Variants in ZFP82 observed in about 807,000 individuals in gnomAD.
The protein encoded by ZFP82 is ZFP82 zinc finger protein.
A neutral mutation model predicts 54.0 loss-of-function variants in ZFP82; 30 were observed. The observed-to-expected ratio is 0.56, with a 90% CI of 0.42 to 0.75. The LOEUF (loss-of-function observed/expected upper bound fraction) is 0.75. ZFP82 is among the 30% of genes least tolerant of loss of function. The pLI, the probability that ZFP82 is intolerant of heterozygous loss-of-function variation, is 0.00. For synonymous variants in ZFP82, 194 were observed against 209.5 expected, an observed-to-expected ratio of 0.93 and a Z score of 0.64; for missense variants, 500 against 636.8, an observed-to-expected ratio of 0.79 and a Z score of 2.31.
chr19:36,405,517 C>G (rs2032465432), intron 4 of ZFP82, 63 bp downstream of exon 4: 1 of 1,257,460 alleles, frequency 8.0e-7, no homozygotes, highest in Non-Finnish European at 1.1e-6. Flanking sequence ...AAGGATGTGT[C>G]TCTTCCCCAG....
Position 36,392,311 on chromosome 19 carries a change from CCAGCACAG to C in ZFP82, c.*422_*429del, listed in dbSNP as rs2032212730. 6.4e-6 allele frequency: 1 copy of C among 157,266 alleles called. No individual in the cohort carries two copies. The highest frequency in any genetic ancestry group is 2.4e-5 in the African/African-American group (1 of 41,510). The allele number at this position is 157,266 out of a possible 1,614,324, so 9.7% of individuals were successfully genotyped here. A position where few individuals can be genotyped will look rare whatever the true frequency, so the allele number is the denominator to read the frequency against. On this transcript the variant is annotated 3_prime_UTR_variant, in exon 5 of 5. Transcript: ENST00000392161. ...TACCAGTAAAGTCTGAGTCAAGAAA[CCAGCACAG>C]CAGTACGTCTACCATATTCTACTGG...
chr19:36,394,151 T>C (rs1431196455), intron 4 of ZFP82, 41 bp from the exon 5 acceptor site: 1 of 1,530,566 alleles, frequency 6.5e-7, no homozygotes, highest in East Asian at 2.3e-5. Flanking sequence ...TGTTTTCTTT[T>C]ACTAAAAGAA....
chr19:36,412,846 T>C (rs1036138765), intron 1 of ZFP82, among the ~76,000 whole-genome samples: 2 of 152,232 alleles, frequency 1.3e-5, no homozygotes, highest in Non-Finnish European at 2.9e-5. Flanking sequence ...TCTCAAGCCA[T>C]GCCACCTGAA....
intron 4 of ZFP82, among the ~76,000 whole-genome samples, 175 bp downstream of exon 4, chr19:36,405,405 G>A (rs559208769): frequency 1.3e-5 from 2 of 152,228 alleles, no homozygotes; most frequent in African/African-American, 4.8e-5. Context: ...TGCTCCCCAT[G>A]TCACAGACCT....
chr19:36,392,968 C>A lies in ZFP82; in HGVS notation c.1372G>T (p.Ala458Ser), dbSNP rs771723650. Residue 458 changes from alanine (A) to serine (S), a missense_variant, in exon 5 of 5, where the codon GCC (alanine) becomes TCC (serine). Transcript: ENST00000392161. ...KPYKCKECGK[A>S]FRLRQKLTLH... ...GTAAGTTTTTGGCGCAATCTAAAGG[C>A]CTTGCCACATTCCTTACATTTATAA... 1.2e-6 allele frequency: 2 copies of A among 1,614,072 alleles called. No individual in the cohort carries two copies. Among genetic ancestry groups the A allele is most frequent in the East Asian group, 4.5e-5 (2 of 44,876 alleles).
At chr19:36,402,935 G>A (rs942207324) in intron 4 of ZFP82, among the ~76,000 whole-genome samples, 4 of 151,334 alleles carry the variant, frequency 2.6e-5, no homozygotes, top group Non-Finnish European at 2.9e-5. Context: ...TCAGGAGATT[G>A]AGACCATCCT....
At chr19:36,394,224 A>G in intron 4 of ZFP82, 114 bp from the exon 5 acceptor site, 1 of 981,574 alleles carries the variant, frequency 1.0e-6, no homozygotes, top group African/African-American at 1.6e-5. Flanking sequence ...ACTCTAAAAT[A>G]TTGTTATACA....
At chr19:36,395,201 A>C (rs1163396261) in intron 4 of ZFP82, 1 of 152,118 alleles carries the variant, frequency 6.6e-6, no homozygotes, top group Non-Finnish European at 1.5e-5. Context: ...GCTATGGGTA[A>C]CTTTTTCTTT....
chr19:36,408,132 G>T, intron 2 of ZFP82, 119 bp from the exon 3 acceptor site: 1 of 1,154,680 alleles, frequency 8.7e-7, no homozygotes, highest in Non-Finnish European at 1.2e-6. Context: ...AACAGGCTTG[G>T]GCTGGAAGCC....
Position 36,390,144 on chromosome 19 carries a change from C to T in ZFP82, c.*2597G>A, listed in dbSNP as rs778012881. The stretch of plus-strand genomic sequence containing the variant: ...GACCCTGCATGCCATGCCATGCCTC[C>T]CGTTTGTGGGATCTGCGTATAAACT... On this transcript the variant is annotated 3_prime_UTR_variant, in exon 5 of 5. Transcript: ENST00000392161. Among the ~76,000 whole-genome samples the T allele has an allele frequency of 3.3e-5, 5 of 152,066 alleles. No individual in the cohort carries two copies. The highest frequency in any genetic ancestry group is 9.7e-5 in the African/African-American group (4 of 41,402).
intron 3 of ZFP82, among the ~76,000 whole-genome samples, chr19:36,406,789 T>C (rs2385802): frequency 0.2 from 31,092 of 152,098 alleles, 3,253 homozygotes; most frequent in Admixed American, 0.22. Flanking sequence ...TTCTAGTTTT[T>C]CCAAATACTC....
chr19:36,413,232 G>GA (rs2032609639), intron 1 of ZFP82, among the ~76,000 whole-genome samples: 1 of 152,056 alleles, frequency 6.6e-6, no homozygotes, highest in African/African-American at 2.4e-5. Context: ...CCAACATGAC[G>GA]AAACTCCATC....
At chr19:36,415,100 C>A (rs1168537715) in intron 1 of ZFP82, among the ~76,000 whole-genome samples, 1 of 152,168 alleles carries the variant, frequency 6.6e-6, no homozygotes, top group Non-Finnish European at 1.5e-5. Context: ...GAATTACAGG[C>A]GTGAGCCACC....
In ZFP82 at chr19:36,390,667, G is replaced by A. The variant is rs1289429946; in HGVS notation, c.*2074C>T. 1.3e-5 allele frequency: 2 copies of A among 152,026 alleles called. No homozygotes were observed. Among genetic ancestry groups the A allele is most frequent in the Non-Finnish European group, 2.9e-5 (2 of 67,998 alleles). The allele number at this position is 152,026 out of a possible 1,614,324, so 9.4% of individuals were successfully genotyped here. A position where few individuals can be genotyped will look rare whatever the true frequency, so the allele number is the denominator to read the frequency against. On this transcript the variant is annotated 3_prime_UTR_variant, in exon 5 of 5. Transcript: ENST00000392161. ...GCTTCCTATCCATTTTTCACCTAATGGTCTTCGCATCCATTGCTATCACCA... is the reference window on the plus strand; with the variant it reads ...GCTTCCTATCCATTTTTCACCTAATAGTCTTCGCATCCATTGCTATCACCA...
chr19:36,403,638 A>AC (rs1386110489), intron 4 of ZFP82, among the ~76,000 whole-genome samples: 1 of 151,384 alleles, frequency 6.6e-6, no homozygotes, highest in African/African-American at 2.4e-5. Flanking sequence ...AAAAAAAAAA[A>AC]ACCTTTTGAA....
At chr19:36,417,544 G>A (rs1266078623) in intron 1 of ZFP82, among the ~76,000 whole-genome samples, 1 of 152,056 alleles carries the variant, frequency 6.6e-6, no homozygotes. Flanking sequence ...TCCTCCTCCC[G>A]CTCGGACCCC....
chr19:36,394,314 T>G, intron 4 of ZFP82: 1 of 534,604 alleles, frequency 1.9e-6, no homozygotes. Flanking sequence ...GGTGATGAAG[T>G]AAACATTTTA....
In ZFP82 at chr19:36,390,473, T is replaced by C. The variant is rs545020129; in HGVS notation, c.*2268A>G. 1 of 152,116 alleles carries C rather than the reference T, an allele frequency of 6.6e-6. No homozygotes were observed. Among genetic ancestry groups the C allele is most frequent in the South Asian group, 2.1e-4 (1 of 4,826 alleles). 9.4% of individuals were successfully genotyped at this position (152,116 alleles called of 1,614,324 possible). A position where few individuals can be genotyped will look rare whatever the true frequency, so the allele number is the denominator to read the frequency against. ...ATTCCCCATGTTTCCTGTAAACTGGTAATTAGGTTTGGAGACTAACTTGTA... is the reference window on the plus strand; with the variant it reads ...ATTCCCCATGTTTCCTGTAAACTGGCAATTAGGTTTGGAGACTAACTTGTA... On this transcript the variant is annotated 3_prime_UTR_variant, in exon 5 of 5. Coordinates refer to ENST00000392161, the MANE Select transcript of ZFP82 (RefSeq NM_133466.4).
At position 36,392,678 on chromosome 19, in the gene ZFP82, GC is replaced by G; in HGVS notation, c.*62del. The G allele has an allele frequency of 7.0e-7, 1 of 1,431,710 alleles. No individual in the cohort carries two copies. Among genetic ancestry groups the G allele is most frequent in the Non-Finnish European group, 9.2e-7 (1 of 1,082,836 alleles). 88.7% of individuals were successfully genotyped at this position (1,431,710 alleles called of 1,614,324 possible). ...ATGCCAACGCAGTTGCATGTATGGA[GC>G]AAAATAGATTAATTACTACATTCAT... On this transcript the variant is annotated 3_prime_UTR_variant, in exon 5 of 5. Transcript: ENST00000392161.
Sources: allele counts gnomAD v4.1 joint callset (sites outside exome capture counted in the v4.1 genomes callset), GRCh38; gene constraint gnomAD v4.1.1; transcripts MANE v1.5; gene names NCBI Gene and HGNC (gene_info 2026-07-23, HGNC 2026-07-21).